NCKAP5: variants seen among roughly 807,000 people sequenced by gnomAD.
NCKAP5 encodes the protein NCK associated protein 5.
NCKAP5 carries 92 observed loss-of-function variants against 167.0 expected under a neutral mutation model. The ratio of observed to expected loss-of-function variants is 0.55; its 90% CI spans 0.47 to 0.66. The LOEUF (loss-of-function observed/expected upper bound fraction) is 0.66, where lower values mean the gene tolerates loss of function less well. Among genes scored for constraint, NCKAP5 ranks in the 30% least tolerant of loss-of-function variants. The pLI, the probability that NCKAP5 is intolerant of heterozygous loss-of-function variation, is 0.00. For synonymous variants in NCKAP5, 891 were observed against 877.4 expected (o/e 1.02, Z -0.27); for missense variants, 2,378 against 2,315.0 (o/e 1.03, Z -0.56).
chr2:133,370,456 A>G (rs758982056), intron 3 of NCKAP5, among the ~76,000 whole-genome samples: 1 of 152,268 alleles, frequency 6.6e-6, no homozygotes, highest in African/African-American at 2.4e-5. Flanking sequence ...ATTGATACCA[A>G]TGAGGTGCCT....
At chr2:132,864,908 TCA>T (rs1201014075) in intron 10 of NCKAP5, among the ~76,000 whole-genome samples, 1 of 152,196 alleles carries the variant, frequency 6.6e-6, no homozygotes, top group Admixed American at 6.5e-5. Flanking sequence ...TGATTAGGTC[TCA>T]GTTTCCTCAT....
intron 2 of NCKAP5, among the ~76,000 whole-genome samples, chr2:133,554,775 G>A (rs1228313286): frequency 6.6e-6 from 1 of 152,126 alleles, no homozygotes; most frequent in Non-Finnish European, 1.5e-5. Context: ...ACCATGGGCT[G>A]GTGATTGGGG....
chr2:133,383,038 T>G (rs1427385395), intron 3 of NCKAP5, among the ~76,000 whole-genome samples: 1 of 152,132 alleles, frequency 6.6e-6, no homozygotes, highest in Non-Finnish European at 1.5e-5. Context: ...CATGTAAAAG[T>G]GATGCATTCT....
At chr2:133,664,912 G>C in the NCKAP5 span, among the ~76,000 whole-genome samples, 4 of 152,282 alleles carry the variant, frequency 2.6e-5, no homozygotes, top group Non-Finnish European at 5.9e-5. Flanking sequence ...TTATGTTATA[G>C]GGATAGCTTC....
At chr2:132,842,098 T>C (rs1688334605) in intron 11 of NCKAP5, among the ~76,000 whole-genome samples, 1 of 152,170 alleles carries the variant, frequency 6.6e-6, no homozygotes, top group African/African-American at 2.4e-5. Context: ...GCTGTATTCT[T>C]GTCTGTTTTT....
intron 4 of NCKAP5, among the ~76,000 whole-genome samples, chr2:133,233,072 A>G (rs923807264): frequency 6.6e-6 from 1 of 152,178 alleles, no homozygotes; most frequent in African/African-American, 2.4e-5. Flanking sequence ...TGCTCCCTGG[A>G]AAAACCTGCA....
chr2:133,571,381 G>A (rs1259954195), upstream of NCKAP5, among the ~76,000 whole-genome samples: 1 of 152,024 alleles, frequency 6.6e-6, no homozygotes, highest in Admixed American at 6.6e-5. Context: ...GGGAGGGAAA[G>A]GCCATCCTCA....
chr2:133,567,657 C>CTCTGTGTGTG lies in NCKAP5; in HGVS notation c.-130+558_-130+559insCACACACAGA, dbSNP rs375516676. Among the ~76,000 whole-genome samples the CTCTGTGTGTG allele has an allele frequency of 1.5e-3, 200 of 130,990 alleles. 1 individual carries two copies. Among genetic ancestry groups the CTCTGTGTGTG allele is most frequent in the African/African-American group, 3.3e-3 (118 of 35,982 alleles). 85.9% of individuals were successfully genotyped at this position (130,990 alleles called of 152,430 possible). A position where few individuals can be genotyped will look rare whatever the true frequency, so the allele number is the denominator to read the frequency against. Reference sequence around the variant, plus strand: ...TACACATTCCTGAGGATGAATGAGCCTGTGTGTGTGTGTGTGTGTGTGTGT... The same window carrying CTCTGTGTGTG: ...TACACATTCCTGAGGATGAATGAGCCTCTGTGTGTGTGTGTGTGTGTGTGTGTGTGTGTGT... On this transcript the variant is annotated intron_variant, in intron 1 of 19. Transcript: ENST00000409261.
At chr2:133,171,004 C>G (rs556507476) in intron 5 of NCKAP5, among the ~76,000 whole-genome samples, 2 of 152,046 alleles carry the variant, frequency 1.3e-5, no homozygotes, top group African/African-American at 2.4e-5. Flanking sequence ...TAATATATTA[C>G]CATACTGGCG....
At chr2:133,251,088 C>A (rs10167342) in intron 4 of NCKAP5, among the ~76,000 whole-genome samples, 15,708 of 150,834 alleles carry the variant, frequency 0.1, 901 homozygotes, top group South Asian at 0.15. Flanking sequence ...AAAAAAAAAA[C>A]CCAGCATAAC....
chr2:132,802,004 C>T (rs970093909), intron 11 of NCKAP5, among the ~76,000 whole-genome samples: 5 of 152,218 alleles, frequency 3.3e-5, no homozygotes, highest in African/African-American at 1.2e-4. Context: ...TCTCAAACTG[C>T]TGACTTCAGG....
chr2:132,720,320 C>T (rs970908295), intron 19 of NCKAP5, among the ~76,000 whole-genome samples: 1 of 152,214 alleles, frequency 6.6e-6, no homozygotes, highest in Non-Finnish European at 1.5e-5. Flanking sequence ...CCTGCTCCCC[C>T]CACTGACTCT....
chr2:132,752,702 A>G (rs1406149475), intron 16 of NCKAP5, among the ~76,000 whole-genome samples: 1 of 152,226 alleles, frequency 6.6e-6, no homozygotes, highest in Admixed American at 6.5e-5. Context: ...AGAGAAACAG[A>G]ACCAATAGAA....
chr2:132,719,444 G>A (rs937718580), intron 19 of NCKAP5, among the ~76,000 whole-genome samples: 8 of 152,210 alleles, frequency 5.3e-5, no homozygotes, highest in East Asian at 3.8e-4. Context: ...CATATTTAAC[G>A]TGTACCTTGG....
At chr2:132,796,541 C>T in intron 12 of NCKAP5, 87 bp downstream of exon 12, 2 of 816,120 alleles carry the variant, frequency 2.5e-6, no homozygotes, top group Admixed American at 2.2e-5. Context: ...TTCAAGGATG[C>T]ACTTTATGGT....
At chr2:132,973,316 T>A (rs2076887790) in intron 7 of NCKAP5, among the ~76,000 whole-genome samples, 1 of 152,202 alleles carries the variant, frequency 6.6e-6, no homozygotes, top group South Asian at 2.1e-4. Flanking sequence ...CTCACTAGGA[T>A]CTAAAAGTCT....
rs530779866 is a variant in NCKAP5 at position 133,507,130 on chromosome 2, G to A, written c.69+10328C>T. ...GGCCTCATCCCAGTCTGTCTAGTTG[G>A]TGCCTTCACAGATTTCACTCTCAGC... On this transcript the variant is annotated intron_variant, in intron 3 of 19. Coordinates refer to ENST00000409261, the MANE Select transcript of NCKAP5 (RefSeq NM_207363.3). 2.6e-5 allele frequency among the ~76,000 whole-genome samples: 4 copies of A among 152,282 alleles called. No homozygotes were observed. In the South Asian group the frequency reaches 8.3e-4, roughly 32 times the overall value.
intron 6 of NCKAP5, among the ~76,000 whole-genome samples, chr2:133,035,510 TAACAA>T (rs1007204102): frequency 2.0e-5 from 3 of 151,990 alleles, no homozygotes; most frequent in African/African-American, 7.2e-5. Context: ...ATATGTTACG[TAACAA>T]AACAAGTCTG....
At chr2:132,869,858 C>T in intron 9 of NCKAP5, among the ~76,000 whole-genome samples, 1 of 152,170 alleles carries the variant, frequency 6.6e-6, no homozygotes, top group East Asian at 1.9e-4. Context: ...TGTTATGGAG[C>T]TGTACTGTCT....
Sources: allele counts gnomAD v4.1 joint callset (sites outside exome capture counted in the v4.1 genomes callset), GRCh38; gene constraint gnomAD v4.1.1; transcripts MANE v1.5; gene names NCBI Gene and HGNC (gene_info 2026-07-23, HGNC 2026-07-21).